The following NSMCE2 variants were observed in gnomAD, a reference collection of about 807,000 sequenced individuals.
NSMCE2 encodes E3 SUMO-protein ligase NSE2.
Under a neutral mutation model 23.8 loss-of-function variants are expected in NSMCE2, and 24 were observed. The ratio of observed to expected loss-of-function variants is 1.01; its 90% CI spans 0.73 to 1.42. The LOEUF is 1.42. Among genes scored for constraint, NSMCE2 ranks in the 40% most tolerant of loss-of-function variants. The probability of loss-of-function intolerance (pLI) is 0.00; values close to 1 mark genes in which losing one functional copy is unlikely to be tolerated. For synonymous variants in NSMCE2, 92 were observed against 94.1 expected (o/e 0.98, Z 0.13); for missense variants, 284 against 296.5 (o/e 0.96, Z 0.31).
At chr8:125,299,486 C>T (rs1274234905) in intron 5 of NSMCE2, among the ~76,000 whole-genome samples, 2 of 152,118 alleles carry the variant, frequency 1.3e-5, no homozygotes, top group African/African-American at 4.8e-5. Context: ...CACTTTTAAA[C>T]CATCAGATCT....
chr8:125,300,631 C>T (rs1246554746), intron 5 of NSMCE2, among the ~76,000 whole-genome samples: 2 of 152,132 alleles, frequency 1.3e-5, no homozygotes, highest in East Asian at 3.9e-4. Flanking sequence ...CGAAGAACAT[C>T]GTCCCTGCAC....
rs1171931543 is a variant in NSMCE2, at chr8:125,363,760, G to GA, written c.627-3001dup. ...TTCACAGCGTAGGGGGACAGGCTGG[G>GA]AAAAAAATACAGATTTTTAAACTAG... On this transcript the variant is annotated intron_variant, in intron 7 of 7. Transcript: ENST00000287437. 5.3e-5 allele frequency among the ~76,000 whole-genome samples: 8 copies of GA among 152,040 alleles called. No homozygotes were observed. In the East Asian group the frequency reaches 1.5e-3, roughly 29 times the overall value.
chr8:125,246,441 C>A (rs1825965957), intron 5 of NSMCE2, among the ~76,000 whole-genome samples: 1 of 152,110 alleles, frequency 6.6e-6, no homozygotes. Context: ...CTCCTCCTCC[C>A]AAAGTGCTAG....
intron 5 of NSMCE2, among the ~76,000 whole-genome samples, chr8:125,324,200 AG>A (rs1829556445): frequency 6.6e-6 from 1 of 152,200 alleles, no homozygotes; most frequent in Non-Finnish European, 1.5e-5. Flanking sequence ...TGTGTTGGCA[AG>A]TCTAGGCAGA....
At chr8:125,219,706 T>G (rs1337174068) in intron 5 of NSMCE2, among the ~76,000 whole-genome samples, 4 of 152,234 alleles carry the variant, frequency 2.6e-5, no homozygotes, top group African/African-American at 9.6e-5. Flanking sequence ...CCCGTGGTTA[T>G]AAGACTTACT....
intron 5 of NSMCE2, among the ~76,000 whole-genome samples, chr8:125,268,065 A>G (rs1400923679): frequency 6.7e-6 from 1 of 149,726 alleles, no homozygotes; most frequent in African/African-American, 2.5e-5. Flanking sequence ...CCTCATCTCT[A>G]TTTAAAAAAA....
chr8:125,219,825 CT>C (rs1223079047), intron 5 of NSMCE2, among the ~76,000 whole-genome samples: 6 of 152,148 alleles, frequency 3.9e-5, no homozygotes, highest in Non-Finnish European at 2.9e-5. Flanking sequence ...GAAAAAGAAC[CT>C]GGTAGTACTG....
intron 5 of NSMCE2, among the ~76,000 whole-genome samples, chr8:125,352,612 C>G (rs1813086988): frequency 6.6e-6 from 1 of 152,090 alleles, no homozygotes. Context: ...TTGGACAAAA[C>G]CTACACTTTC....
intron 5 of NSMCE2, among the ~76,000 whole-genome samples, chr8:125,281,249 C>T (rs1463545087): frequency 6.6e-6 from 1 of 152,108 alleles, no homozygotes; most frequent in Non-Finnish European, 1.5e-5. Flanking sequence ...GGATGTTGGC[C>T]CAATTTGTAA....
chr8:125,154,352 T>C (rs757894079), intron 4 of NSMCE2, among the ~76,000 whole-genome samples: 17 of 152,200 alleles, frequency 1.1e-4, no homozygotes, highest in Non-Finnish European at 2.1e-4. Flanking sequence ...ACCTCAGAGG[T>C]ATGGGTCAAC....
chr8:125,167,151 A>G (rs1480961338), intron 4 of NSMCE2, among the ~76,000 whole-genome samples: 1 of 152,190 alleles, frequency 6.6e-6, no homozygotes, highest in Non-Finnish European at 1.5e-5. Context: ...TTTCGATTCT[A>G]GTGCAAGATG....
intron 5 of NSMCE2, among the ~76,000 whole-genome samples, chr8:125,263,044 A>T (rs754809785): frequency 9.2e-5 from 14 of 152,184 alleles, no homozygotes; most frequent in Admixed American, 5.2e-4. Context: ...GGACCTCATA[A>T]TGAGGTAGCT....
chr8:125,098,188 G>A (rs1424011132), intron 1 of NSMCE2, among the ~76,000 whole-genome samples: 1 of 152,152 alleles, frequency 6.6e-6, no homozygotes, highest in Non-Finnish European at 1.5e-5. Flanking sequence ...AGCAATCAGT[G>A]TTTTAATGGG....
rs778056800 is a variant in NSMCE2 at position 125,121,033 on chromosome 8, T to TA, written c.157+18547dup. Among the ~76,000 whole-genome samples the TA allele has an allele frequency of 1.0e-3, 157 of 152,350 alleles. 1 individual carries two copies. Among genetic ancestry groups the TA allele is most frequent in the Admixed American group, 1.9e-3 (29 of 15,304 alleles). ...ACTATTTCATTGTATTTCTTAAACT[T>TA]ACTGAAAAAGAACTTGGAAGGCATC... On this transcript the variant is annotated intron_variant, in intron 3 of 7. Transcript: ENST00000287437.
At chr8:125,209,034 A>G (rs982314231) in intron 5 of NSMCE2, among the ~76,000 whole-genome samples, 2 of 151,528 alleles carry the variant, frequency 1.3e-5, no homozygotes, top group African/African-American at 2.4e-5. Context: ...CTGGTCTTGA[A>G]CTCCTGGGCA....
At chr8:125,336,370 G>C (rs1436289112) in intron 5 of NSMCE2, among the ~76,000 whole-genome samples, 7 of 152,230 alleles carry the variant, frequency 4.6e-5, no homozygotes, top group Admixed American at 3.9e-4. Flanking sequence ...CTAAGGCTCT[G>C]AGAGGTGGTC....
At chr8:125,246,350 ATTTTTGTAT>A (rs1825960987) in intron 5 of NSMCE2, among the ~76,000 whole-genome samples, 1 of 151,472 alleles carries the variant, frequency 6.6e-6, no homozygotes, top group Non-Finnish European at 1.5e-5. Flanking sequence ...TGCCCGACTA[ATTTTTGTAT>A]TTTTAGTAGA....
intron 3 of NSMCE2, among the ~76,000 whole-genome samples, chr8:125,133,004 G>C (rs1025105051): frequency 1.3e-5 from 2 of 152,142 alleles, no homozygotes; most frequent in African/African-American, 4.8e-5. Context: ...TTAACTCAAA[G>C]TCTCAGAGAA....
chr8:125,112,244 C>T (rs113507461), intron 3 of NSMCE2, among the ~76,000 whole-genome samples: 5 of 152,254 alleles, frequency 3.3e-5, no homozygotes, highest in African/African-American at 1.2e-4. Context: ...AAGTAAAAGG[C>T]AATGCCTACA....
Sources: gnomAD v4.1 joint callset for allele counts (sites outside exome capture counted in the v4.1 genomes callset) on GRCh38, gnomAD v4.1.1 for gene constraint, MANE v1.5 for transcripts, NCBI Gene and HGNC (gene_info 2026-07-23, HGNC 2026-07-21) for gene names.